FAM114A1: variants seen among roughly 807,000 people sequenced by gnomAD.
FAM114A1 encodes family with sequence similarity 114 member A1.
FAM114A1 carries 62 observed loss-of-function variants against 64.3 expected under a neutral mutation model. The observed-to-expected ratio is 0.96, with a 90% confidence interval of 0.79 to 1.19. The LOEUF (loss-of-function observed/expected upper bound fraction) is 1.19, where lower values mean the gene tolerates loss of function less well. Ranked by LOEUF, FAM114A1 falls within the 50% of genes most tolerant of loss-of-function variation. FAM114A1 has a pLI of 0.00. For missense variants in FAM114A1, 645 were observed against 676.3 expected, an observed-to-expected ratio of 0.95 and a Z score of 0.51; for synonymous variants, 254 against 251.1, an observed-to-expected ratio of 1.01 and a Z score of -0.11.
At chr4:38,939,073 ATTT>A (rs1721359006) in intron 13 of FAM114A1, among the ~76,000 whole-genome samples, 1 of 152,148 alleles carries the variant, frequency 6.6e-6, no homozygotes, top group Non-Finnish European at 1.5e-5. Flanking sequence ...GAGATTCTGT[ATTT>A]CTAGTAAGCA....
At chr4:38,932,598 G>A (rs931544569) in intron 12 of FAM114A1, among the ~76,000 whole-genome samples, 4 of 152,098 alleles carry the variant, frequency 2.6e-5, no homozygotes, top group African/African-American at 4.8e-5. Context: ...CTGGGCTCAC[G>A]TGACCCTCCT....
chr4:38,934,405 G>A (rs532390493), intron 12 of FAM114A1, among the ~76,000 whole-genome samples: 12 of 152,264 alleles, frequency 7.9e-5, no homozygotes, highest in African/African-American at 2.9e-4. Flanking sequence ...TTGGATGGAT[G>A]GGTGGGTGGG....
In FAM114A1 at chr4:38,906,403, C is replaced by T. The variant is rs573221964; in HGVS notation, c.657+542C>T. ...ACCCTAAGTGTATCCCCCTAGATCCCTGCCTACCTCTTAGAAGAAGCTCCA... is the reference window on the plus strand; with the variant it reads ...ACCCTAAGTGTATCCCCCTAGATCCTTGCCTACCTCTTAGAAGAAGCTCCA... On this transcript the variant is annotated intron_variant, in intron 6 of 14. Coordinates refer to ENST00000358869, the MANE Select transcript of FAM114A1 (RefSeq NM_138389.4). Among the ~76,000 whole-genome samples the T allele has an allele frequency of 5.9e-5, 9 of 152,238 alleles. No individual in the cohort carries two copies. The East Asian group carries it at 1.7e-3, about 29-fold the overall frequency.
At chr4:38,877,107 A>T (rs927131547) in intron 2 of FAM114A1, among the ~76,000 whole-genome samples, 2 of 152,154 alleles carry the variant, frequency 1.3e-5, no homozygotes, top group Admixed American at 1.3e-4. Flanking sequence ...CTTGGGGGCC[A>T]TTCATTATTC....
intron 3 of FAM114A1, among the ~76,000 whole-genome samples, chr4:38,882,169 G>A (rs1336612195): frequency 9.5e-5 from 14 of 147,052 alleles, no homozygotes; most frequent in Admixed American, 4.0e-4. Context: ...AAAATTAGCC[G>A]GGCGCGGTGG....
intron 3 of FAM114A1, 143 bp downstream of exon 3, chr4:38,878,569 GAGAT>G: frequency 2.9e-5 from 19 of 656,928 alleles, no homozygotes; most frequent in Non-Finnish European, 4.1e-5. Context: ...AATGTGTAGT[GAGAT>G]TAGACATATA....
At chr4:38,911,140 A>C (rs1354489848) in intron 7 of FAM114A1, among the ~76,000 whole-genome samples, 1 of 152,186 alleles carries the variant, frequency 6.6e-6, no homozygotes, top group African/African-American at 2.4e-5. Flanking sequence ...TGCTTGTGTG[A>C]GAGAAAATGG....
At chr4:38,932,105 A>C (rs4833106) in intron 11 of FAM114A1, 130 bp from the exon 12 acceptor site, 1 of 1,043,520 alleles carries the variant, frequency 9.6e-7, no homozygotes, top group Non-Finnish European at 1.4e-6. Flanking sequence ...GCTTGTAATC[A>C]TCAGGTTAAC....
intron 3 of FAM114A1, among the ~76,000 whole-genome samples, chr4:38,887,576 T>A (rs1406434667): frequency 6.6e-6 from 1 of 152,244 alleles, no homozygotes; most frequent in African/African-American, 2.4e-5. Context: ...AGAAGTCTAA[T>A]AATTCAATTA....
At chr4:38,886,906 A>G (rs1715867199) in intron 3 of FAM114A1, among the ~76,000 whole-genome samples, 1 of 148,012 alleles carries the variant, frequency 6.8e-6, no homozygotes, top group Admixed American at 6.8e-5. Flanking sequence ...CCAGCCTGGG[A>G]GACAGAGCGA....
At chr4:38,868,117 C>A in intron 1 of FAM114A1, 1 of 269,604 alleles carries the variant, frequency 3.7e-6, no homozygotes, top group Non-Finnish European at 8.0e-6. Flanking sequence ...ACCCACACGC[C>A]CACACTCAGG....
intron 2 of FAM114A1, among the ~76,000 whole-genome samples, chr4:38,870,917 T>A (rs1041370031): frequency 6.6e-6 from 1 of 152,198 alleles, no homozygotes; most frequent in African/African-American, 2.4e-5. Context: ...CATGATAGCA[T>A]CCACAGTCGA....
Position 38,915,004 on chromosome 4 carries a change from G to A in FAM114A1, c.876G>A (p.Leu292=). The stretch of plus-strand genomic sequence containing the variant: ...AGAGAACCGCGCACTACGGGATGCT[G>A]TTTGATGAATATCAAGGCTTGTCAC... ...TMERTAHYGM[L]FDEYQGLSHL... The change falls in exon 8 of 15, where the codon CTG becomes CTA. Residue 292 remains leucine, a synonymous_variant. Coordinates refer to ENST00000358869, the MANE Select transcript of FAM114A1 (RefSeq NM_138389.4). The A allele has an allele frequency of 6.2e-7, 1 of 1,614,178 alleles. No individual in the cohort carries two copies. The highest frequency in any genetic ancestry group is 8.5e-7 in the Non-Finnish European group (1 of 1,180,036).
chr4:38,907,272 G>A (rs1337397185), intron 6 of FAM114A1, among the ~76,000 whole-genome samples: 1 of 152,146 alleles, frequency 6.6e-6, no homozygotes, highest in Non-Finnish European at 1.5e-5. Flanking sequence ...GAGATGGATG[G>A]AGCTCTGTCA....
At chr4:38,874,899 C>T (rs1308689059) in intron 2 of FAM114A1, among the ~76,000 whole-genome samples, 1 of 152,174 alleles carries the variant, frequency 6.6e-6, no homozygotes, top group African/African-American at 2.4e-5. Flanking sequence ...TATGGCTGGC[C>T]AGTTATCCCA....
chr4:38,922,847 C>T lies in FAM114A1; in HGVS notation c.1023C>T (p.Ile341=). The change falls in exon 9 of 15, where the codon ATC becomes ATT. Residue 341 remains isoleucine, a synonymous_variant. Transcript: ENST00000358869. ...LKNDLISIKD[I]FAAKELENEE... ...ATGACCTAATTTCCATTAAAGACAT[C>T]TTTGCAGCCAAAGAATTAGAGAATG... 1 of 1,613,562 alleles carries T rather than the reference C, an allele frequency of 6.2e-7. No individual in the cohort carries two copies.
chr4:38,901,755 A>G (rs1197446216), intron 4 of FAM114A1, among the ~76,000 whole-genome samples: 4 of 152,208 alleles, frequency 2.6e-5, no homozygotes, highest in African/African-American at 9.6e-5. Context: ...GCGGGAAGAA[A>G]AAGATCAAAG....
chr4:38,883,604 C>G (rs752688054), intron 3 of FAM114A1, among the ~76,000 whole-genome samples: 10 of 152,052 alleles, frequency 6.6e-5, no homozygotes, highest in Non-Finnish European at 1.3e-4. Flanking sequence ...GAGTGTGGAC[C>G]ACCATGGATA....
At chr4:38,886,086 A>T (rs901280112) in intron 3 of FAM114A1, among the ~76,000 whole-genome samples, 2 of 152,022 alleles carry the variant, frequency 1.3e-5, no homozygotes, top group Admixed American at 6.6e-5. Context: ...CTTGACCTTG[A>T]TGAGAACGAT....
Sources: allele counts gnomAD v4.1 joint callset (sites outside exome capture counted in the v4.1 genomes callset), GRCh38; gene constraint gnomAD v4.1.1; transcripts MANE v1.5; gene names NCBI Gene and HGNC (gene_info 2026-07-23, HGNC 2026-07-21).